Variants in IL34 observed in about 807,000 individuals in gnomAD.
The protein encoded by IL34 is interleukin-34.
A neutral mutation model predicts 25.3 loss-of-function variants in IL34; 17 were observed. That is an observed-to-expected ratio of 0.67 (90% CI 0.46 to 1.01). The LOEUF (loss-of-function observed/expected upper bound fraction) is 1.01. IL34 is among the 50% of genes least tolerant of loss of function. The probability of loss-of-function intolerance (pLI) is 0.00; values close to 1 mark genes in which losing one functional copy is unlikely to be tolerated. For synonymous variants in IL34, 174 were observed against 140.9 expected (o/e 1.23, Z -1.66); for missense variants, 368 against 312.9 (o/e 1.18, Z -1.33).
intron 1 of IL34, among the ~76,000 whole-genome samples, chr16:70,591,813 T>C (rs1461806868): frequency 1.3e-5 from 2 of 152,184 alleles, no homozygotes; most frequent in African/African-American, 4.8e-5. Flanking sequence ...AAGTCATGCC[T>C]AGGAGCCTGG....
chr16:70,634,008 G>A (rs941899008), intron 1 of IL34, among the ~76,000 whole-genome samples: 2 of 151,998 alleles, frequency 1.3e-5, no homozygotes, highest in South Asian at 2.1e-4. Flanking sequence ...GCACCACCAC[G>A]CCCAGCTAAT....
chr16:70,595,302 T>C (rs1263813811), intron 1 of IL34, among the ~76,000 whole-genome samples: 1 of 151,364 alleles, frequency 6.6e-6, no homozygotes, highest in Non-Finnish European at 1.5e-5. Context: ...CTAGTTTTCT[T>C]CTCCTTCTTC....
At chr16:70,589,080 C>G (rs1432391649) in intron 1 of IL34, among the ~76,000 whole-genome samples, 1 of 151,940 alleles carries the variant, frequency 6.6e-6, no homozygotes, top group African/African-American at 2.4e-5. Flanking sequence ...ACCAGTAATC[C>G]CAGCTACTCA....
chr16:70,614,355 G>A (rs2051142365), intron 1 of IL34, among the ~76,000 whole-genome samples: 1 of 152,234 alleles, frequency 6.6e-6, no homozygotes, highest in African/African-American at 2.4e-5. Context: ...AGTGTCATCC[G>A]AGAGACAAAG....
intron 1 of IL34, among the ~76,000 whole-genome samples, chr16:70,617,874 T>C (rs2151833441): frequency 1.3e-5 from 2 of 151,978 alleles, no homozygotes; most frequent in South Asian, 4.2e-4. Context: ...AGGGAAGAAA[T>C]GACTGCGGTG....
At chr16:70,596,544 C>T (rs975114017) in intron 1 of IL34, among the ~76,000 whole-genome samples, 3 of 152,144 alleles carry the variant, frequency 2.0e-5, no homozygotes, top group East Asian at 3.8e-4. Flanking sequence ...TTCCACATGG[C>T]GTTGGGCACA....
At chr16:70,642,240 CAGAGAG>C (rs544425905), upstream of IL34, among the ~76,000 whole-genome samples, 1 of 145,942 alleles carries the variant, frequency 6.9e-6, no homozygotes, top group African/African-American at 2.5e-5. Flanking sequence ...TGGGAAGAGA[CAGAGAG>C]AGAGAGAGAC....
At chr16:70,610,043 A>C (rs546296234) in intron 1 of IL34, among the ~76,000 whole-genome samples, 70 of 152,258 alleles carry the variant, frequency 4.6e-4, no homozygotes, top group African/African-American at 1.6e-3. Flanking sequence ...CTCTACTAAA[A>C]ATACAAAAAT....
chr16:70,584,020 T>A (rs1471819992), intron 1 of IL34, among the ~76,000 whole-genome samples: 2 of 151,998 alleles, frequency 1.3e-5, no homozygotes, highest in African/African-American at 4.8e-5. Context: ...AAGCCACAGC[T>A]CCCCTTCCCC....
intron 1 of IL34, among the ~76,000 whole-genome samples, chr16:70,619,050 G>T (rs1054949286): frequency 6.6e-6 from 1 of 152,192 alleles, no homozygotes. Flanking sequence ...AAAACAATTT[G>T]GTTGATAAGG....
chr16:70,621,098 C>T (rs375998052), intron 1 of IL34, among the ~76,000 whole-genome samples: 42 of 152,116 alleles, frequency 2.8e-4, no homozygotes, highest in East Asian at 1.4e-3. Flanking sequence ...CCTAGGAAAG[C>T]GGGACTTGTC....
At chr16:70,641,485 T>TA (rs1438492964) in intron 1 of IL34, among the ~76,000 whole-genome samples, 1 of 151,506 alleles carries the variant, frequency 6.6e-6, no homozygotes, top group African/African-American at 2.4e-5. Context: ...ATACATAAAT[T>TA]AAAAAAATTC....
chr16:70,619,740 C>G (rs148086458), intron 1 of IL34, among the ~76,000 whole-genome samples: 1 of 152,118 alleles, frequency 6.6e-6, no homozygotes. Flanking sequence ...GCCGCTAAGC[C>G]GAGAAGATCT....
At chr16:70,582,865 A>G (rs567956694) in intron 1 of IL34, among the ~76,000 whole-genome samples, 5 of 152,190 alleles carry the variant, frequency 3.3e-5, no homozygotes, top group African/African-American at 7.2e-5. Flanking sequence ...TGCTTGGGAA[A>G]TGGCTCCATG....
At chr16:70,614,532 G>C (rs2051145566) in intron 1 of IL34, among the ~76,000 whole-genome samples, 1 of 152,232 alleles carries the variant, frequency 6.6e-6, no homozygotes, top group Non-Finnish European at 1.5e-5. Context: ...CCGAGGTTTA[G>C]CTGTGGTGCA....
At chr16:70,591,778 G>A (rs2050757842) in intron 1 of IL34, among the ~76,000 whole-genome samples, 1 of 152,154 alleles carries the variant, frequency 6.6e-6, no homozygotes, top group Non-Finnish European at 1.5e-5. Context: ...TACTGCAGAT[G>A]AGGAAACTGA....
At chr16:70,652,837 C>T (rs551696239) in intron 1 of IL34, among the ~76,000 whole-genome samples, 136 of 152,296 alleles carry the variant, frequency 8.9e-4, no homozygotes, top group Admixed American at 2.9e-3. Flanking sequence ...ACAGAAATTG[C>T]TAAATTGCTT....
At chr16:70,634,679 CAA>C (rs35353668) in intron 1 of IL34, among the ~76,000 whole-genome samples, 25 of 117,744 alleles carry the variant, frequency 2.1e-4, no homozygotes, top group Admixed American at 2.7e-4. Context: ...GATTCCGAAT[CAA>C]AAAAAAAAAA....
chr16:70,620,400 G>C (rs2051254747), intron 1 of IL34, among the ~76,000 whole-genome samples: 1 of 152,038 alleles, frequency 6.6e-6, no homozygotes, highest in Non-Finnish European at 1.5e-5. Context: ...GGGAGGGCTA[G>C]TCACGCAACG....
Sources: allele counts gnomAD v4.1 joint callset (sites outside exome capture counted in the v4.1 genomes callset), GRCh38; gene constraint gnomAD v4.1.1; transcripts MANE v1.5; gene names NCBI Gene and HGNC (gene_info 2026-07-23, HGNC 2026-07-21).